UVRAG: variants seen among roughly 807,000 people sequenced by gnomAD.
UVRAG encodes the protein UV radiation resistance associated.
Under a neutral mutation model 78.0 loss-of-function variants are expected in UVRAG, and 19 were observed. The ratio of observed to expected loss-of-function variants is 0.24; its 90% CI spans 0.17 to 0.36. The LOEUF (loss-of-function observed/expected upper bound fraction) is 0.36, where lower values mean the gene tolerates loss of function less well. Ranked by LOEUF, UVRAG falls within the 10% of genes least tolerant of loss-of-function variation. The probability of loss-of-function intolerance (pLI) is 1.00; values close to 1 mark genes in which losing one functional copy is unlikely to be tolerated. For missense variants in UVRAG, 740 were observed against 853.8 expected (o/e 0.87, Z 1.66); for synonymous variants, 323 against 324.6 (o/e 1.00, Z 0.05).
intron 3 of UVRAG, among the ~76,000 whole-genome samples, chr11:75,870,928 GGC>G (rs1303819255): frequency 6.6e-6 from 1 of 151,624 alleles, no homozygotes; most frequent in African/African-American, 2.4e-5. Flanking sequence ...GGAGTGCAAT[GGC>G]GCGATCCCGG....
chr11:76,096,317 A>C (rs1270777872), intron 13 of UVRAG, among the ~76,000 whole-genome samples: 1 of 152,234 alleles, frequency 6.6e-6, no homozygotes, highest in African/African-American at 2.4e-5. Flanking sequence ...GAAAAAATGT[A>C]TGTTAAATAT....
At chr11:75,828,708 T>C (rs941350631) in intron 1 of UVRAG, among the ~76,000 whole-genome samples, 1 of 141,236 alleles carries the variant, frequency 7.1e-6, no homozygotes, top group African/African-American at 2.7e-5. Flanking sequence ...TATATATATA[T>C]ATGTGTATAT....
At chr11:75,872,436 T>C (rs1036409820) in intron 3 of UVRAG, among the ~76,000 whole-genome samples, 3 of 149,074 alleles carry the variant, frequency 2.0e-5, no homozygotes. Flanking sequence ...TCGCCCAGGC[T>C]AGAGTGCAGT....
intron 1 of UVRAG, among the ~76,000 whole-genome samples, chr11:75,842,510 C>T (rs536866029): frequency 1.6e-4 from 24 of 150,172 alleles, no homozygotes; most frequent in African/African-American, 4.4e-4. Context: ...GGCGTGATCA[C>T]GGCTCACTGC....
chr11:75,973,076 T>C (rs988419297), intron 7 of UVRAG, among the ~76,000 whole-genome samples: 1 of 152,216 alleles, frequency 6.6e-6, no homozygotes, highest in Non-Finnish European at 1.5e-5. Context: ...GGTATAACTA[T>C]GGTGAATAGG....
intron 14 of UVRAG, among the ~76,000 whole-genome samples, chr11:76,140,028 A>G (rs1326675720): frequency 2.1e-5 from 3 of 144,400 alleles, no homozygotes; most frequent in African/African-American, 7.7e-5. Context: ...ATTTTTTTTA[A>G]TTTTTAAAAT....
chr11:75,866,694 A>G (rs965195883), intron 3 of UVRAG, among the ~76,000 whole-genome samples: 2 of 152,336 alleles, frequency 1.3e-5, no homozygotes, highest in South Asian at 2.1e-4. Context: ...TTCAGAAAGC[A>G]GGGACCTCAT....
intron 13 of UVRAG, among the ~76,000 whole-genome samples, chr11:76,087,528 C>A (rs1235200187): frequency 6.6e-6 from 1 of 152,178 alleles, no homozygotes; most frequent in East Asian, 1.9e-4. Flanking sequence ...CAAGGCACTT[C>A]AGTCCTCATA....
intron 13 of UVRAG, among the ~76,000 whole-genome samples, chr11:76,104,874 A>G (rs1406459375): frequency 1.3e-5 from 2 of 152,140 alleles, no homozygotes; most frequent in African/African-American, 4.8e-5. Flanking sequence ...AGTAAAACTG[A>G]TATGTAGATT....
At position 75,873,078 on chromosome 11, in the gene UVRAG, G is replaced by A. The variant is rs138125619; in HGVS notation, c.271-6801G>A. 4.8e-3 allele frequency among the ~76,000 whole-genome samples: 731 copies of A among 152,318 alleles called. 4 individuals carry two copies. Among genetic ancestry groups the A allele is most frequent in the African/African-American group, 0.016 (668 of 41,558 alleles). On this transcript the variant is annotated intron_variant, in intron 3 of 14. Transcript: ENST00000356136. ...ACTCACAGGTTCCTATGGGAGCATA[G>A]AGGAGCGGCAGCCAGCCCCATGGAC...
At chr11:75,872,652 G>A (rs1036053603) in intron 3 of UVRAG, among the ~76,000 whole-genome samples, 8 of 152,058 alleles carry the variant, frequency 5.3e-5, no homozygotes, top group Admixed American at 5.3e-4. Flanking sequence ...CTCCCAAAGT[G>A]CTGGGATTAC....
At chr11:75,861,382 C>T (rs957340668) in intron 2 of UVRAG, among the ~76,000 whole-genome samples, 3 of 152,070 alleles carry the variant, frequency 2.0e-5, no homozygotes, top group South Asian at 2.1e-4. Flanking sequence ...GGTAATCATT[C>T]GAGATGTTTG....
chr11:76,022,569 T>C (rs978887637), intron 12 of UVRAG, among the ~76,000 whole-genome samples: 4 of 152,228 alleles, frequency 2.6e-5, no homozygotes, highest in African/African-American at 9.6e-5. Flanking sequence ...AAAGACTGTT[T>C]TATCTGATAT....
intron 13 of UVRAG, among the ~76,000 whole-genome samples, chr11:76,078,272 C>A (rs1378018942): frequency 6.6e-6 from 1 of 152,058 alleles, no homozygotes; most frequent in East Asian, 1.9e-4. Context: ...GGGAAGGTAG[C>A]ACAGTAGATT....
chr11:75,922,441 GCT>G (rs1947998721), intron 6 of UVRAG, among the ~76,000 whole-genome samples: 1 of 151,796 alleles, frequency 6.6e-6, no homozygotes, highest in South Asian at 2.1e-4. Context: ...TTTAAGGAAA[GCT>G]CTCCTTTTTT....
At chr11:76,007,699 A>G (rs1949973628) in intron 10 of UVRAG, 78 bp downstream of exon 10, 1 of 1,132,254 alleles carries the variant, frequency 8.8e-7, no homozygotes, top group African/African-American at 1.5e-5. Context: ...CAATGAAAAA[A>G]CTCATTGCTT....
intron 12 of UVRAG, among the ~76,000 whole-genome samples, chr11:76,026,236 A>C (rs1312090771): frequency 6.6e-6 from 1 of 152,198 alleles, no homozygotes; most frequent in South Asian, 2.1e-4. Context: ...TATTGAAAAC[A>C]TAAATGAAAA....
intron 6 of UVRAG, among the ~76,000 whole-genome samples, chr11:75,953,802 A>G (rs1948746696): frequency 6.6e-6 from 1 of 152,182 alleles, no homozygotes; most frequent in Admixed American, 6.5e-5. Context: ...TCTCTTTCCT[A>G]TCACCAGAAT....
At chr11:75,960,596 G>A (rs148754715) in intron 6 of UVRAG, among the ~76,000 whole-genome samples, 1 of 152,024 alleles carries the variant, frequency 6.6e-6, no homozygotes, top group African/African-American at 2.4e-5. Context: ...GTGAAACCTC[G>A]TCTCTGCAAA....
Sources: gnomAD v4.1 joint callset for allele counts (sites outside exome capture counted in the v4.1 genomes callset) on GRCh38, gnomAD v4.1.1 for gene constraint, MANE v1.5 for transcripts, NCBI Gene and HGNC (gene_info 2026-07-23, HGNC 2026-07-21) for gene names.